Variants in POR observed in about 807,000 individuals in gnomAD.
POR encodes the protein cytochrome p450 oxidoreductase, also known as NADPH--cytochrome P450 reductase.
Under a neutral mutation model 84.0 loss-of-function variants are expected in POR, and 56 were observed. The ratio of observed to expected loss-of-function variants is 0.67; its 90% CI spans 0.54 to 0.83. The LOEUF (loss-of-function observed/expected upper bound fraction) is 0.83, where lower values mean the gene tolerates loss of function less well. POR is among the 40% of genes least tolerant of loss of function. The pLI is 0.00. For synonymous variants in POR, 414 were observed against 400.5 expected, an observed-to-expected ratio of 1.03 and a Z score of -0.40; for missense variants, 938 against 944.3, an observed-to-expected ratio of 0.99 and a Z score of 0.09.
intron 2 of POR, among the ~76,000 whole-genome samples, chr7:75,971,587 C>T (rs1257671821): frequency 2.6e-5 from 4 of 152,166 alleles, no homozygotes; most frequent in African/African-American, 4.8e-5. Context: ...CTGAGGCTGG[C>T]GGGCACCAGG....
At chr7:75,983,995 C>T (rs1563433258) in intron 10 of POR, 139 bp downstream of exon 10, 2 of 696,342 alleles carry the variant, frequency 2.9e-6, no homozygotes, top group Admixed American at 2.9e-5. Flanking sequence ...TCCACGGTTA[C>T]AGGATCCCAA....
intron 1 of POR, among the ~76,000 whole-genome samples, chr7:75,916,347 G>A (rs1277966473): frequency 2.6e-5 from 4 of 152,180 alleles, no homozygotes; most frequent in African/African-American, 4.8e-5. Context: ...TATGGAGAAG[G>A]CATTGATTCA....
At chr7:75,944,967 AAG>A (rs1563409436) in intron 1 of POR, among the ~76,000 whole-genome samples, 1 of 152,146 alleles carries the variant, frequency 6.6e-6, no homozygotes, top group African/African-American at 2.4e-5. Flanking sequence ...GAAGAAGAGA[AAG>A]AGAGTGAGGC....
intron 2 of POR, among the ~76,000 whole-genome samples, chr7:75,965,331 C>A (rs907580786): frequency 1.3e-5 from 2 of 152,202 alleles, no homozygotes; most frequent in Non-Finnish European, 1.5e-5. Flanking sequence ...CATCACCCAC[C>A]AGAGGTGATG....
intron 1 of POR, among the ~76,000 whole-genome samples, chr7:75,952,417 ACC>A (rs1233103122): frequency 1.0e-5 from 1 of 96,742 alleles, no homozygotes; most frequent in South Asian, 3.6e-4. Flanking sequence ...CGGGGGGCTG[ACC>A]CCCCCACCTC....
At chr7:75,935,756 A>T (rs1807646851) in intron 1 of POR, among the ~76,000 whole-genome samples, 1 of 151,500 alleles carries the variant, frequency 6.6e-6, no homozygotes, top group African/African-American at 2.4e-5. Flanking sequence ...GCCAGCTCAG[A>T]TTAATTAATA....
intron 1 of POR, among the ~76,000 whole-genome samples, chr7:75,952,654 C>T (rs1401966200): frequency 2.7e-5 from 4 of 149,100 alleles, no homozygotes; most frequent in African/African-American, 7.4e-5. Flanking sequence ...GGGTCGCGGC[C>T]GGGCAGAGGC....
chr7:75,941,159 T>C (rs1230461462), intron 1 of POR, among the ~76,000 whole-genome samples: 1 of 151,906 alleles, frequency 6.6e-6, no homozygotes, highest in African/African-American at 2.4e-5. Flanking sequence ...TGAGACTGTG[T>C]CTCTCAAAAC....
intron 2 of POR, among the ~76,000 whole-genome samples, chr7:75,971,291 T>C (rs1305898107): frequency 6.6e-5 from 10 of 152,098 alleles, no homozygotes; most frequent in African/African-American, 2.4e-4. Context: ...AAAAATGTAT[T>C]TTCATCTTCA....
rs371758475 is a variant in POR at position 75,954,103 on chromosome 7, C to T, written c.111C>T (p.Ile37=). The change falls in exon 2 of 16, where the codon ATC becomes ATT. Residue 37 remains isoleucine, a synonymous_variant. Coordinates refer to ENST00000461988, the MANE Select transcript of POR (RefSeq NM_000941.3). ...CGGACATGATTCTGTTTTCGCTCAT[C>T]GTGGGTCTCCTAACCTACTGGTTCC... 2.9e-5 allele frequency: 46 copies of T among 1,613,268 alleles called. No individual in the cohort carries two copies. The highest frequency in any genetic ancestry group is 2.8e-4 in the African/African-American group (21 of 75,010).
At chr7:75,950,286 C>T (rs1203298392) in intron 1 of POR, among the ~76,000 whole-genome samples, 1 of 152,200 alleles carries the variant, frequency 6.6e-6, no homozygotes, top group South Asian at 2.1e-4. Context: ...TCACTCCCAG[C>T]GTCGTCGATT....
rs370747856 is a variant in POR at position 75,981,069 on chromosome 7, A to G, written c.538A>G (p.Thr180Ala). Residue 180 changes from threonine (T) to alanine (A), a missense_variant, in exon 6 of 16, where the codon ACC becomes GCC. Transcript: ENST00000461988. ...GCAGGTGTTTGGTCTTGGGAACAAG[A>G]CCTACGAGCACTTCAATGCCATGGG... is the stretch of plus-strand genomic sequence containing the variant. 7.0e-5 allele frequency: 110 copies of G among 1,575,224 alleles called. No homozygotes were observed. Among genetic ancestry groups the G allele is most frequent in the Non-Finnish European group, 8.5e-5 (99 of 1,160,724 alleles).
chr7:75,981,428 T>A, intron 6 of POR, 89 bp from the exon 7 acceptor site: 5 of 1,304,650 alleles, frequency 3.8e-6, no homozygotes, highest in Non-Finnish European at 5.4e-6. Context: ...GCTTTGGGGA[T>A]GGGGTGGGGT....
intron 5 of POR, 67 bp from the exon 6 acceptor site, chr7:75,980,981 C>G: frequency 6.8e-7 from 1 of 1,478,940 alleles, no homozygotes; most frequent in Non-Finnish European, 9.0e-7. Flanking sequence ...TCCCGCCCTG[C>G]CCCCATGGCC....
chr7:75,981,239 G>A, intron 6 of POR, 67 bp downstream of exon 6: 1 of 1,470,906 alleles, frequency 6.8e-7, no homozygotes, highest in Non-Finnish European at 9.0e-7. Context: ...AACGTGAGGG[G>A]CGCGCACACC....
intron 2 of POR, among the ~76,000 whole-genome samples, chr7:75,957,147 G>A (rs1292557975): frequency 6.6e-6 from 1 of 152,172 alleles, no homozygotes; most frequent in African/African-American, 2.4e-5. Context: ...TCTCAGAGAG[G>A]TTATGGGATG....
intron 1 of POR, among the ~76,000 whole-genome samples, chr7:75,939,887 C>T (rs1244527168): frequency 6.6e-6 from 1 of 151,104 alleles, no homozygotes; most frequent in Non-Finnish European, 1.5e-5. Context: ...GGATTACAGG[C>T]GTGAGCCACC....
intron 1 of POR, among the ~76,000 whole-genome samples, chr7:75,944,172 G>A (rs560570387): frequency 3.3e-5 from 5 of 152,178 alleles, no homozygotes; most frequent in African/African-American, 1.2e-4. Flanking sequence ...ACTGAATCTC[G>A]CCTGACAGCA....
chr7:75,986,086 C>T lies in POR; in HGVS notation c.1815+18C>T. The T allele has an allele frequency of 1.3e-6, 2 of 1,568,224 alleles. No individual in the cohort carries two copies. Among genetic ancestry groups the T allele is most frequent in the Non-Finnish European group, 1.7e-6 (2 of 1,157,558 alleles). ...CCCACAAGGTGAGACGGGCGGGCAC[C>T]CACGAAGGTGGGCATGAGGCTGGCA... On this transcript the variant is annotated intron_variant, in intron 14 of 15. Coordinates refer to ENST00000461988, the MANE Select transcript of POR (RefSeq NM_000941.3).
Sources: allele counts gnomAD v4.1 joint callset (sites outside exome capture counted in the v4.1 genomes callset), GRCh38; gene constraint gnomAD v4.1.1; transcripts MANE v1.5; gene names NCBI Gene and HGNC (gene_info 2026-07-23, HGNC 2026-07-21).